CMSS1: variants seen among roughly 807,000 people sequenced by gnomAD.
CMSS1 encodes cms1 ribosomal small subunit homolog, also known as protein CMSS1.
In CMSS1, 33 loss-of-function variants were observed where a neutral mutation model predicts 43.5. The observed-to-expected ratio is 0.76, with a 90% confidence interval of 0.57 to 1.01. The LOEUF (loss-of-function observed/expected upper bound fraction) is 1.01, where lower values mean the gene tolerates loss of function less well. CMSS1 is among the 50% of genes least tolerant of loss of function. The pLI is 0.00. For synonymous variants in CMSS1, 115 were observed against 117.2 expected, an observed-to-expected ratio of 0.98 and a Z score of 0.12; for missense variants, 313 against 326.4, an observed-to-expected ratio of 0.96 and a Z score of 0.32.
intron 1 of CMSS1, among the ~76,000 whole-genome samples, chr3:100,085,868 A>C (rs550528650): frequency 6.6e-6 from 1 of 152,338 alleles, no homozygotes; most frequent in East Asian, 1.9e-4. Flanking sequence ...TTACATTTTC[A>C]TGAAGAGTAA....
intron 1 of CMSS1, chr3:99,875,977 TG>T: frequency 1.2e-6 from 1 of 838,054 alleles, no homozygotes; most frequent in South Asian, 5.4e-5. Context: ...CAGTTTGTGA[TG>T]CTGAGACAGC....
chr3:100,029,051 A>G (rs1031386552), intron 1 of CMSS1, among the ~76,000 whole-genome samples: 4 of 152,076 alleles, frequency 2.6e-5, no homozygotes, highest in African/African-American at 9.7e-5. Context: ...TGAGCCTGGA[A>G]TGGTGGTGCA....
intron 1 of CMSS1, among the ~76,000 whole-genome samples, chr3:99,908,514 C>G (rs567097991): frequency 2.2e-4 from 34 of 152,282 alleles, no homozygotes; most frequent in Admixed American, 1.6e-3. Flanking sequence ...ATGATGATCA[C>G]TTAGGTTTGG....
At chr3:99,899,531 A>G (rs965228377) in intron 1 of CMSS1, among the ~76,000 whole-genome samples, 2 of 152,210 alleles carry the variant, frequency 1.3e-5, no homozygotes, top group Non-Finnish European at 2.9e-5. Flanking sequence ...GTGAGATCTA[A>G]ATGGTAGCTG....
chr3:100,043,036 G>A (rs1229571075), intron 1 of CMSS1, among the ~76,000 whole-genome samples: 1 of 152,214 alleles, frequency 6.6e-6, no homozygotes, highest in Non-Finnish European at 1.5e-5. Flanking sequence ...AGCCTTCTTT[G>A]CTCATCTCTC....
At chr3:100,028,966 C>T (rs930608956) in intron 1 of CMSS1, among the ~76,000 whole-genome samples, 1 of 152,058 alleles carries the variant, frequency 6.6e-6, no homozygotes, top group South Asian at 2.1e-4. Flanking sequence ...TTTACAAGCT[C>T]GTCAGTCCGT....
intron 1 of CMSS1, among the ~76,000 whole-genome samples, chr3:99,872,609 T>TA (rs912618579): frequency 2.0e-5 from 3 of 151,854 alleles, no homozygotes; most frequent in Non-Finnish European, 4.4e-5. Context: ...CAAGCTTGTT[T>TA]AAAAAAAATT....
At chr3:100,137,724 G>A (rs747741289) in intron 1 of CMSS1, among the ~76,000 whole-genome samples, 18 of 152,040 alleles carry the variant, frequency 1.2e-4, no homozygotes, top group Admixed American at 3.3e-4. Flanking sequence ...CACCATGCCC[G>A]GCTAATTCTG....
chr3:99,992,921 T>A (rs1026230114), intron 1 of CMSS1, among the ~76,000 whole-genome samples: 4 of 152,022 alleles, frequency 2.6e-5, no homozygotes, highest in African/African-American at 9.7e-5. Context: ...TTGAACAGGT[T>A]GTCATTTCCT....
chr3:99,873,859 G>A (rs1705367492), intron 1 of CMSS1, among the ~76,000 whole-genome samples: 1 of 152,072 alleles, frequency 6.6e-6, no homozygotes, highest in Non-Finnish European at 1.5e-5. Context: ...TAACAGTTAA[G>A]GTTAATCACC....
At chr3:100,034,982 A>C (rs2065082343) in intron 1 of CMSS1, among the ~76,000 whole-genome samples, 1 of 152,166 alleles carries the variant, frequency 6.6e-6, no homozygotes, top group African/African-American at 2.4e-5. Context: ...GTCAAGAAAA[A>C]AGCCATTTTG....
chr3:100,100,016 A>G (rs1359107897), intron 1 of CMSS1, among the ~76,000 whole-genome samples: 1 of 152,242 alleles, frequency 6.6e-6, no homozygotes, highest in Non-Finnish European at 1.5e-5. Context: ...CACAGTTGTC[A>G]AAGTCCTTAT....
intron 1 of CMSS1, among the ~76,000 whole-genome samples, chr3:100,045,706 G>C (rs2065268663): frequency 6.6e-6 from 1 of 152,150 alleles, no homozygotes; most frequent in Admixed American, 6.6e-5. Context: ...TATTCTTCTG[G>C]TAACATTATT....
At chr3:99,821,566 A>C (rs904225664) in intron 1 of CMSS1, among the ~76,000 whole-genome samples, 12 of 152,228 alleles carry the variant, frequency 7.9e-5, no homozygotes, top group Non-Finnish European at 8.8e-5. Flanking sequence ...CAACTGTTTG[A>C]AGTGACTTAT....
chr3:99,916,029 G>C (rs1706939809), intron 1 of CMSS1, among the ~76,000 whole-genome samples: 1 of 152,194 alleles, frequency 6.6e-6, no homozygotes, highest in Non-Finnish European at 1.5e-5. Context: ...TTAATTTTAT[G>C]TGTCAACTTG....
At chr3:100,141,760 C>T in intron 1 of CMSS1, 1 of 339,068 alleles carries the variant, frequency 2.9e-6, no homozygotes, top group Non-Finnish European at 5.7e-6. Context: ...TCCCATCTGG[C>T]AGTGTCTTTT....
chr3:100,073,266 A>G (rs565204310), intron 1 of CMSS1, among the ~76,000 whole-genome samples: 49 of 152,244 alleles, frequency 3.2e-4, no homozygotes, highest in African/African-American at 1.2e-3. Context: ...TTATCTGACT[A>G]TTTTCATCCT....
chr3:99,898,104 G>A lies in CMSS1; in HGVS notation c.64+80061G>A, dbSNP rs928150711. The A allele has an allele frequency of 2.6e-5, 4 of 152,186 alleles. No individual in the cohort carries two copies. The East Asian group carries it at 7.7e-4, about 29-fold the overall frequency. 9.4% of individuals were successfully genotyped at this position (152,186 alleles called of 1,614,324 possible). A position where few individuals can be genotyped will look rare whatever the true frequency, so the allele number is the denominator to read the frequency against. ...TTATCTAAGTTATTAGACTCTCAAG[G>A]AAACTTTCAAAAGCAGGCAGGCTTG... On this transcript the variant is annotated intron_variant, in intron 1 of 9. Coordinates refer to ENST00000421999, the MANE Select transcript of CMSS1 (RefSeq NM_032359.4).
chr3:100,012,398 A>G (rs1165295207), intron 1 of CMSS1, among the ~76,000 whole-genome samples: 1 of 152,160 alleles, frequency 6.6e-6, no homozygotes, highest in African/African-American at 2.4e-5. Flanking sequence ...ACGAAACAAA[A>G]TATTATTTGT....
Sources: gnomAD v4.1 joint callset for allele counts (sites outside exome capture counted in the v4.1 genomes callset) on GRCh38, gnomAD v4.1.1 for gene constraint, MANE v1.5 for transcripts, NCBI Gene and HGNC (gene_info 2026-07-23, HGNC 2026-07-21) for gene names.